Variants in MACROD2 observed in about 807,000 individuals in gnomAD.
MACROD2 encodes the protein ADP-ribose glycohydrolase MACROD2.
MACROD2 carries 36 observed loss-of-function variants against 70.4 expected under a neutral mutation model. The ratio of observed to expected loss-of-function variants is 0.51; its 90% CI spans 0.39 to 0.68. The LOEUF (loss-of-function observed/expected upper bound fraction) is 0.68. Ranked by LOEUF, MACROD2 falls within the 30% of genes least tolerant of loss-of-function variation. MACROD2 has a pLI of 0.00. For missense variants in MACROD2, 496 were observed against 538.4 expected (o/e 0.92, Z 0.78); for synonymous variants, 172 against 178.8 (o/e 0.96, Z 0.30).
intron 5 of MACROD2, among the ~76,000 whole-genome samples, chr20:15,171,351 C>T (rs1207796566): frequency 6.6e-6 from 1 of 151,344 alleles, no homozygotes; most frequent in Non-Finnish European, 1.5e-5. Flanking sequence ...TTTGCCCCTC[C>T]ATCTCCTCCC....
At chr20:15,873,919 T>A (rs1484649393) in intron 9 of MACROD2, among the ~76,000 whole-genome samples, 2 of 152,138 alleles carry the variant, frequency 1.3e-5, no homozygotes, top group African/African-American at 4.8e-5. Context: ...ATTATTATTT[T>A]TTATTTGTTA....
intron 12 of MACROD2, among the ~76,000 whole-genome samples, chr20:15,951,512 T>C (rs1250316620): frequency 2.0e-5 from 3 of 152,124 alleles, no homozygotes; most frequent in African/African-American, 4.8e-5. Context: ...AATGAGAAGA[T>C]TGTTTTCCTA....
At position 15,180,543 on chromosome 20, in the gene MACROD2, C is replaced by T. The variant is rs901376881; in HGVS notation, c.419-49397C>T. Among the ~76,000 whole-genome samples the T allele has an allele frequency of 3.3e-5, 5 of 152,344 alleles. No homozygotes were observed. In the East Asian group the frequency reaches 7.7e-4, roughly 24 times the overall value. ...TAGCCTGGAGGAATTTCTAGTTCAACAGACACACCATGCACGATCATGTCA... is the reference window on the plus strand; with the variant it reads ...TAGCCTGGAGGAATTTCTAGTTCAATAGACACACCATGCACGATCATGTCA... On this transcript the variant is annotated intron_variant, in intron 5 of 17. Transcript: ENST00000684519.
chr20:14,696,934 A>C (rs2071132974), intron 5 of MACROD2, among the ~76,000 whole-genome samples: 1 of 152,310 alleles, frequency 6.6e-6, no homozygotes, highest in South Asian at 2.1e-4. Context: ...AGTACAGTAT[A>C]TTAAATACAT....
At chr20:14,280,452 A>T (rs1180749031) in intron 3 of MACROD2, among the ~76,000 whole-genome samples, 1 of 152,208 alleles carries the variant, frequency 6.6e-6, no homozygotes, top group Non-Finnish European at 1.5e-5. Context: ...TAAAAAGAAC[A>T]TTCTGTGAAA....
At chr20:14,354,452 A>C (rs1422527401) in intron 3 of MACROD2, among the ~76,000 whole-genome samples, 2 of 152,012 alleles carry the variant, frequency 1.3e-5, no homozygotes, top group East Asian at 1.9e-4. Context: ...TTTCTTATTG[A>C]ATTTTAGGTG....
chr20:14,022,451 T>G (rs1036787928), intron 2 of MACROD2, among the ~76,000 whole-genome samples: 2 of 152,108 alleles, frequency 1.3e-5, no homozygotes, highest in African/African-American at 4.8e-5. Context: ...TTTTTTTTTT[T>G]TTTTTAATTA....
intron 7 of MACROD2, among the ~76,000 whole-genome samples, chr20:15,482,342 A>G (rs945857148): frequency 2.0e-5 from 3 of 152,224 alleles, no homozygotes; most frequent in Admixed American, 2.0e-4. Flanking sequence ...AATGCCCGAC[A>G]TCATATGTCA....
chr20:15,922,955 A>G (rs2065432866), intron 10 of MACROD2, among the ~76,000 whole-genome samples: 1 of 106,580 alleles, frequency 9.4e-6, no homozygotes, highest in South Asian at 4.0e-4. Context: ...CTATACATTG[A>G]TTTTATGAAA....
intron 8 of MACROD2, among the ~76,000 whole-genome samples, chr20:15,851,476 A>C (rs1254522392): frequency 6.6e-6 from 1 of 151,954 alleles, no homozygotes; most frequent in Non-Finnish European, 1.5e-5. Flanking sequence ...GTGTCTTTAC[A>C]TGGTCTTCCC....
intron 6 of MACROD2, among the ~76,000 whole-genome samples, chr20:15,381,262 C>T (rs1290292328): frequency 6.6e-6 from 1 of 151,506 alleles, no homozygotes; most frequent in Non-Finnish European, 1.5e-5. Flanking sequence ...TGTGATAGAC[C>T]CACTATCTAG....
chr20:16,035,383 C>A (rs2067221105), intron 15 of MACROD2, among the ~76,000 whole-genome samples: 1 of 151,462 alleles, frequency 6.6e-6, no homozygotes, highest in South Asian at 2.1e-4. Context: ...TGAGTATCTA[C>A]CCAGAGGAAA....
At chr20:15,507,214 T>G (rs939735018) in intron 8 of MACROD2, among the ~76,000 whole-genome samples, 3 of 151,720 alleles carry the variant, frequency 2.0e-5, no homozygotes, top group East Asian at 3.9e-4. Flanking sequence ...TCTCTCTACC[T>G]CTTTATTTTT....
chr20:15,803,340 C>T (rs1440969747), intron 8 of MACROD2, among the ~76,000 whole-genome samples: 2 of 152,090 alleles, frequency 1.3e-5, no homozygotes, highest in Non-Finnish European at 2.9e-5. Flanking sequence ...TTCTTCTCAG[C>T]TGGACAGTGG....
intron 6 of MACROD2, among the ~76,000 whole-genome samples, chr20:15,375,736 T>A (rs905681570): frequency 2.0e-5 from 3 of 152,184 alleles, no homozygotes; most frequent in East Asian, 3.9e-4. Context: ...ATTTTATACA[T>A]TTTAGCTCAT....
At chr20:15,849,910 G>T (rs552675564) in intron 8 of MACROD2, among the ~76,000 whole-genome samples, 1 of 152,290 alleles carries the variant, frequency 6.6e-6, no homozygotes, top group East Asian at 1.9e-4. Flanking sequence ...GAAGAAGTTT[G>T]AGTCAAGAGA....
intron 5 of MACROD2, among the ~76,000 whole-genome samples, chr20:14,829,170 C>T (rs1338883651): frequency 6.8e-6 from 1 of 146,668 alleles, no homozygotes; most frequent in African/African-American, 2.5e-5. Context: ...CACTCTGTCG[C>T]CCAGGCTGGA....
chr20:15,343,095 A>T (rs1020618787), intron 6 of MACROD2, among the ~76,000 whole-genome samples: 1 of 152,182 alleles, frequency 6.6e-6, no homozygotes, highest in Admixed American at 6.6e-5. Flanking sequence ...CATGAACAGT[A>T]CAAAGCAAAA....
At chr20:14,719,512 A>G (rs955182844) in intron 5 of MACROD2, among the ~76,000 whole-genome samples, 3 of 152,008 alleles carry the variant, frequency 2.0e-5, no homozygotes, top group Non-Finnish European at 4.4e-5. Flanking sequence ...AAAAGAAAAT[A>G]AAGAAAGAAA....
Sources: gnomAD v4.1 joint callset for allele counts (sites outside exome capture counted in the v4.1 genomes callset) on GRCh38, gnomAD v4.1.1 for gene constraint, MANE v1.5 for transcripts, NCBI Gene and HGNC (gene_info 2026-07-23, HGNC 2026-07-21) for gene names.